Variants in KCNIP4 observed in about 807,000 individuals in gnomAD.
The protein encoded by KCNIP4 is Kv channel-interacting protein 4.
In KCNIP4, 12 loss-of-function variants were observed where a neutral mutation model predicts 34.0. The observed-to-expected ratio is 0.35, with a 90% CI of 0.23 to 0.57. The LOEUF is 0.57. Among genes scored for constraint, KCNIP4 ranks in the 20% least tolerant of loss-of-function variants. The pLI is 0.83. For synonymous variants in KCNIP4, 124 were observed against 102.2 expected, an observed-to-expected ratio of 1.21 and a Z score of -1.29; for missense variants, 238 against 311.7, an observed-to-expected ratio of 0.76 and a Z score of 1.78.
At chr4:21,526,884 C>T (rs975399578) in intron 1 of KCNIP4, among the ~76,000 whole-genome samples, 3 of 152,146 alleles carry the variant, frequency 2.0e-5, no homozygotes, top group Non-Finnish European at 4.4e-5. Flanking sequence ...TAATGAAATG[C>T]CTGGGCAATG....
chr4:20,761,715 T>C (rs547792070), intron 3 of KCNIP4, among the ~76,000 whole-genome samples: 1 of 152,298 alleles, frequency 6.6e-6, no homozygotes, highest in Non-Finnish European at 1.5e-5. Context: ...ATATATTTGA[T>C]AGATATAATG....
At chr4:21,292,027 A>G (rs1411764201) in intron 1 of KCNIP4, among the ~76,000 whole-genome samples, 1 of 152,214 alleles carries the variant, frequency 6.6e-6, no homozygotes, top group Non-Finnish European at 1.5e-5. Flanking sequence ...GAGTTTGACT[A>G]TATTTGTGAA....
At chr4:21,692,498 T>TGC (rs1480596827) in intron 1 of KCNIP4, among the ~76,000 whole-genome samples, 1 of 152,192 alleles carries the variant, frequency 6.6e-6, no homozygotes, top group Admixed American at 6.5e-5. Context: ...AGTAACACAG[T>TGC]GCCATAAATT....
intron 1 of KCNIP4, among the ~76,000 whole-genome samples, chr4:21,738,341 C>G (rs2109124041): frequency 6.6e-6 from 1 of 152,180 alleles, no homozygotes; most frequent in South Asian, 2.1e-4. Flanking sequence ...ATGACCTGAT[C>G]ATCCATTCAA....
intron 1 of KCNIP4, among the ~76,000 whole-genome samples, chr4:21,853,410 A>G (rs1184240337): frequency 1.3e-5 from 2 of 152,164 alleles, no homozygotes; most frequent in East Asian, 1.9e-4. Context: ...TGACCTTTGA[A>G]TAAGTCATAT....
At chr4:20,982,977 AT>A (rs1253930698) in intron 1 of KCNIP4, among the ~76,000 whole-genome samples, 1 of 152,244 alleles carries the variant, frequency 6.6e-6, no homozygotes, top group Non-Finnish European at 1.5e-5. Flanking sequence ...TAGAATTGAT[AT>A]CAAATGATTT....
At chr4:20,912,545 A>C (rs897529928) in intron 1 of KCNIP4, among the ~76,000 whole-genome samples, 3 of 152,172 alleles carry the variant, frequency 2.0e-5, no homozygotes, top group African/African-American at 7.2e-5. Flanking sequence ...AACATCGAAA[A>C]AATTTAAAAC....
intron 1 of KCNIP4, among the ~76,000 whole-genome samples, chr4:21,059,810 A>G (rs1044381836): frequency 1.3e-5 from 2 of 152,174 alleles, no homozygotes; most frequent in East Asian, 3.8e-4. Context: ...TTATCACTTT[A>G]GTCACTCAAC....
intron 1 of KCNIP4, among the ~76,000 whole-genome samples, chr4:21,210,884 T>G (rs894462659): frequency 6.6e-6 from 1 of 152,178 alleles, no homozygotes. Flanking sequence ...AGATTAAAAT[T>G]TATCAATGGA....
At chr4:20,938,111 T>G (rs977268348) in intron 1 of KCNIP4, among the ~76,000 whole-genome samples, 1 of 152,124 alleles carries the variant, frequency 6.6e-6, no homozygotes, top group Non-Finnish European at 1.5e-5. Flanking sequence ...ACAGAGCTAA[T>G]GAAACTGTCA....
chr4:21,779,840 A>C (rs559053420), intron 1 of KCNIP4, among the ~76,000 whole-genome samples: 1 of 152,090 alleles, frequency 6.6e-6, no homozygotes, highest in East Asian at 1.9e-4. Context: ...CTGAAGCAGG[A>C]GGATCACTTG....
intron 1 of KCNIP4, among the ~76,000 whole-genome samples, chr4:21,037,034 TGAA>T (rs919619586): frequency 1.6e-4 from 24 of 150,568 alleles, no homozygotes; most frequent in Admixed American, 6.6e-5. Context: ...AGAAGTAAAA[TGAA>T]AAAAAAATAC....
intron 1 of KCNIP4, among the ~76,000 whole-genome samples, chr4:21,232,493 T>G (rs1420226607): frequency 6.6e-6 from 1 of 152,128 alleles, no homozygotes; most frequent in Non-Finnish European, 1.5e-5. Context: ...ATGTCCAAAT[T>G]TAAGAATGAT....
chr4:21,382,635 C>T (rs1472035841), intron 1 of KCNIP4, among the ~76,000 whole-genome samples: 1 of 151,826 alleles, frequency 6.6e-6, no homozygotes, highest in Admixed American at 6.6e-5. Flanking sequence ...GATTTAGTAA[C>T]ATCTACACCT....
chr4:20,973,640 C>A (rs1215725618), intron 1 of KCNIP4, among the ~76,000 whole-genome samples: 1 of 152,216 alleles, frequency 6.6e-6, no homozygotes, highest in African/African-American at 2.4e-5. Context: ...GCGTTCCTCA[C>A]TAAGCTTAAT....
chr4:21,689,831 C>T (rs1751120431), intron 1 of KCNIP4, among the ~76,000 whole-genome samples: 1 of 151,928 alleles, frequency 6.6e-6, no homozygotes, highest in South Asian at 2.1e-4. Flanking sequence ...TTTGTTCTTC[C>T]TGAAGTTGGA....
chr4:21,069,210 T>G (rs1170165280), intron 1 of KCNIP4, among the ~76,000 whole-genome samples: 2 of 152,100 alleles, frequency 1.3e-5, no homozygotes, highest in Non-Finnish European at 2.9e-5. Context: ...ACCTAAAGTA[T>G]AATGTAAATT....
Position 21,488,162 on chromosome 4 carries a change from G to A in KCNIP4, c.61+460409C>T, listed in dbSNP as rs561556107. On this transcript the variant is annotated intron_variant, in intron 1 of 8. Transcript: ENST00000382152. ...ATTTCTATATGTACTTATCTGTACC[G>A]TTATTAAGCAAAACATGAATTCATA... 4.5e-4 allele frequency among the ~76,000 whole-genome samples: 68 copies of A among 152,078 alleles called. No individual in the cohort carries two copies. In the Middle Eastern group the frequency reaches 0.01, roughly 23 times the overall value.
chr4:21,029,692 T>C (rs1740840990), intron 1 of KCNIP4, among the ~76,000 whole-genome samples: 1 of 152,222 alleles, frequency 6.6e-6, no homozygotes, highest in South Asian at 2.1e-4. Context: ...TACTTGACTC[T>C]TTAAAAGAGG....
Sources: gnomAD v4.1 joint callset for allele counts (sites outside exome capture counted in the v4.1 genomes callset) on GRCh38, gnomAD v4.1.1 for gene constraint, MANE v1.5 for transcripts, NCBI Gene and HGNC (gene_info 2026-07-23, HGNC 2026-07-21) for gene names.